Variants in ROBO2 observed in about 807,000 individuals in gnomAD.
The protein encoded by ROBO2 is roundabout homolog 2.
ROBO2 carries 53 observed loss-of-function variants against 160.8 expected under a neutral mutation model. That is an observed-to-expected ratio of 0.33 (90% CI 0.26 to 0.41). The LOEUF is 0.41. Among genes scored for constraint, ROBO2 ranks in the 10% least tolerant of loss-of-function variants. ROBO2 has a pLI of 1.00. For synonymous variants in ROBO2, 664 were observed against 611.7 expected, an observed-to-expected ratio of 1.09 and a Z score of -1.26; for missense variants, 1,577 against 1,722.4, an observed-to-expected ratio of 0.92 and a Z score of 1.49.
chr3:77,336,741 T>G (rs1489740684), intron 2 of ROBO2, among the ~76,000 whole-genome samples: 2 of 152,212 alleles, frequency 1.3e-5, no homozygotes, highest in African/African-American at 4.8e-5. Context: ...CTAAGCCTGG[T>G]GTACCACACC....
chr3:76,080,599 T>C (rs1381895702), intron 2 of ROBO2, among the ~76,000 whole-genome samples: 1 of 152,234 alleles, frequency 6.6e-6, no homozygotes, highest in Non-Finnish European at 1.5e-5. Flanking sequence ...AAGAATTTTT[T>C]GATCATGTAT....
chr3:76,685,976 A>T (rs775134060), intron 2 of ROBO2, among the ~76,000 whole-genome samples: 1 of 152,142 alleles, frequency 6.6e-6, no homozygotes, highest in Non-Finnish European at 1.5e-5. Context: ...TTGAGAGCAT[A>T]AGCAAAAGGT....
chr3:76,700,827 CAG>C (rs1247962171), intron 2 of ROBO2, among the ~76,000 whole-genome samples: 2 of 152,094 alleles, frequency 1.3e-5, no homozygotes, highest in African/African-American at 2.4e-5. Context: ...TCTACCCAGT[CAG>C]TCTTACAATT....
chr3:76,245,333 A>G (rs559223190), intron 2 of ROBO2, among the ~76,000 whole-genome samples: 100 of 152,302 alleles, frequency 6.6e-4, no homozygotes, highest in African/African-American at 2.0e-3. Flanking sequence ...ATGTGCAGCA[A>G]TGTTCCTGGG....
intron 2 of ROBO2, among the ~76,000 whole-genome samples, chr3:77,008,136 G>A (rs1052738952): frequency 1.3e-5 from 2 of 151,950 alleles, no homozygotes; most frequent in South Asian, 4.1e-4. Context: ...AAATCATTAT[G>A]TTCTAAGAAT....
intron 2 of ROBO2, among the ~76,000 whole-genome samples, chr3:76,162,285 A>C (rs919754531): frequency 1.3e-5 from 2 of 152,128 alleles, no homozygotes; most frequent in Non-Finnish European, 2.9e-5. Context: ...CCTCTTTGGC[A>C]TGAGCATATT....
intron 2 of ROBO2, among the ~76,000 whole-genome samples, chr3:77,394,623 A>G (rs574920406): frequency 1.3e-5 from 2 of 152,258 alleles, no homozygotes; most frequent in East Asian, 3.9e-4. Context: ...AGCTCATTTC[A>G]CCTTTATTTT....
chr3:76,352,833 C>G (rs994538248), intron 2 of ROBO2, among the ~76,000 whole-genome samples: 1 of 151,930 alleles, frequency 6.6e-6, no homozygotes, highest in South Asian at 2.1e-4. Context: ...ACTAATTGGC[C>G]TACCACAGAT....
intron 2 of ROBO2, among the ~76,000 whole-genome samples, chr3:75,967,865 T>G (rs1949174229): frequency 6.6e-6 from 1 of 151,566 alleles, no homozygotes; most frequent in East Asian, 2.0e-4. Flanking sequence ...AAACAGTAAC[T>G]AGGATGCCGT....
chr3:77,161,208 A>G (rs2078458797), intron 2 of ROBO2, among the ~76,000 whole-genome samples: 1 of 152,192 alleles, frequency 6.6e-6, no homozygotes, highest in Non-Finnish European at 1.5e-5. Flanking sequence ...ACACATTATG[A>G]CCGTAATAAT....
In ROBO2 at chr3:77,439,647, C is replaced by T. The variant is rs148730669; in HGVS notation, c.389-37767C>T. ...AATGCATTTCAAGAGAAGACGCATG[C>T]TAACCATTAGTATTAAGGAGTACAA... is the stretch of plus-strand genomic sequence containing the variant. On this transcript the variant is annotated intron_variant, in intron 2 of 25. Transcript: ENST00000461745. Among the ~76,000 whole-genome samples, 646 of 152,124 alleles carry T rather than the reference C, an allele frequency of 4.2e-3. 5 individuals are homozygous for T. Among genetic ancestry groups the T allele is most frequent in the Middle Eastern group, 0.041 (12 of 294 alleles).
At chr3:77,283,977 T>C (rs1316251813) in intron 2 of ROBO2, among the ~76,000 whole-genome samples, 1 of 152,200 alleles carries the variant, frequency 6.6e-6, no homozygotes, top group East Asian at 1.9e-4. Context: ...GAAGTTTCTA[T>C]AGCTTTACCC....
intron 2 of ROBO2, among the ~76,000 whole-genome samples, chr3:76,440,347 C>G (rs1241793864): frequency 6.6e-6 from 1 of 151,864 alleles, no homozygotes; most frequent in Non-Finnish European, 1.5e-5. Flanking sequence ...GTGTGCTGCA[C>G]CCATTAACTC....
chr3:76,548,810 C>T (rs934398239), intron 2 of ROBO2, among the ~76,000 whole-genome samples: 4 of 151,826 alleles, frequency 2.6e-5, no homozygotes, highest in African/African-American at 7.3e-5. Flanking sequence ...AAGATGAATA[C>T]GGTCTCTAAA....
At chr3:76,861,502 G>T (rs1462463015) in intron 2 of ROBO2, among the ~76,000 whole-genome samples, 1 of 152,088 alleles carries the variant, frequency 6.6e-6, no homozygotes, top group Non-Finnish European at 1.5e-5. Context: ...CCACAGTCTA[G>T]AAATGGGTGC....
intron 2 of ROBO2, among the ~76,000 whole-genome samples, chr3:76,467,925 T>C (rs2078448269): frequency 1.3e-5 from 2 of 152,144 alleles, no homozygotes; most frequent in African/African-American, 4.8e-5. Context: ...ATGTCATAAG[T>C]AGTATTTTTT....
intron 2 of ROBO2, among the ~76,000 whole-genome samples, chr3:77,354,813 C>T (rs1167248542): frequency 6.6e-6 from 1 of 151,936 alleles, no homozygotes; most frequent in African/African-American, 2.4e-5. Flanking sequence ...TGGGACAGAA[C>T]GAGTGAAAGG....
intron 2 of ROBO2, among the ~76,000 whole-genome samples, chr3:76,353,063 C>T (rs1015880321): frequency 6.6e-6 from 1 of 151,956 alleles, no homozygotes; most frequent in African/African-American, 2.4e-5. Context: ...GATGATTCGT[C>T]GGACTTTGCA....
chr3:77,425,835 T>G (rs1412446271), intron 2 of ROBO2, among the ~76,000 whole-genome samples: 1 of 152,000 alleles, frequency 6.6e-6, no homozygotes, highest in East Asian at 1.9e-4. Context: ...AGCTAATTTT[T>G]GTATTTTAGT....
Sources: allele counts gnomAD v4.1 joint callset (sites outside exome capture counted in the v4.1 genomes callset), GRCh38; gene constraint gnomAD v4.1.1; transcripts MANE v1.5; gene names NCBI Gene and HGNC (gene_info 2026-07-23, HGNC 2026-07-21).